Variants in QRFPR observed in about 807,000 individuals in gnomAD.
QRFPR encodes pyroglutamylated RF-amide peptide receptor.
In QRFPR, 37 loss-of-function variants were observed where a neutral mutation model predicts 31.3. That is an observed-to-expected ratio of 1.18 (90% confidence interval 0.91 to 1.56). QRFPR has a LOEUF of 1.56. Ranked by LOEUF, QRFPR falls within the 40% of genes most tolerant of loss-of-function variation. The probability of loss-of-function intolerance (pLI) is 0.00; values close to 1 mark genes in which losing one functional copy is unlikely to be tolerated. For missense variants in QRFPR, 542 were observed against 532.5 expected (o/e 1.02, Z -0.18); for synonymous variants, 197 against 192.0 (o/e 1.03, Z -0.22).
At chr4:121,363,790 T>C (rs568278611) in intron 1 of QRFPR, among the ~76,000 whole-genome samples, 1 of 150,280 alleles carries the variant, frequency 6.7e-6, no homozygotes, top group Admixed American at 6.6e-5. Flanking sequence ...ACTCTTTCAC[T>C]AAGAGAAAGC....
chr4:121,356,098 C>A (rs1560740309), intron 1 of QRFPR, among the ~76,000 whole-genome samples: 1 of 152,160 alleles, frequency 6.6e-6, no homozygotes, highest in East Asian at 1.9e-4. Context: ...CAGACCAAGT[C>A]TGACATTTTT....
intron 1 of QRFPR, among the ~76,000 whole-genome samples, chr4:121,363,946 A>AAG (rs5861518): frequency 0.96 from 142,952 of 149,412 alleles, 69,058 homozygotes; most frequent in East Asian, 1. Context: ...AGAAGGGAAA[A>AAG]AGAAAAGCCT....
intron 3 of QRFPR, among the ~76,000 whole-genome samples, chr4:121,333,687 G>A (rs535339713): frequency 6.6e-6 from 1 of 152,130 alleles, no homozygotes; most frequent in Admixed American, 6.6e-5. Context: ...TACTATTTCT[G>A]GTAGACTCAT....
chr4:121,342,077 G>C (rs981967418), intron 1 of QRFPR, among the ~76,000 whole-genome samples: 60 of 152,228 alleles, frequency 3.9e-4, no homozygotes, highest in African/African-American at 1.2e-3. Flanking sequence ...GAAGACAGGA[G>C]AAGATCCTTC....
intron 3 of QRFPR, among the ~76,000 whole-genome samples, chr4:121,334,250 G>A (rs530982316): frequency 1.3e-5 from 2 of 152,290 alleles, no homozygotes; most frequent in African/African-American, 4.8e-5. Flanking sequence ...AGTCCTGACT[G>A]TGGACTTCAG....
Position 121,330,476 on chromosome 4 carries a change from A to G in QRFPR, c.845T>C (p.Phe282Ser). Residue 282 changes from phenylalanine (F) to serine (S), a missense_variant, in exon 5 of 6, where the codon TTT (phenylalanine) becomes TCT (serine). Coordinates refer to ENST00000394427, the MANE Select transcript of QRFPR (RefSeq NM_198179.3). ...ATGGAATGGTGCCCAGCACACAGCA[A>G]AGAGAGCCACCACTGTCACCATCAT... Reference protein sequence around the residue: ...VIMMVTVVALFAVCWAPFHVV... With the variant: ...VIMMVTVVALSAVCWAPFHVV... The G allele has an allele frequency of 6.2e-7, 1 of 1,614,038 alleles. No individual in the cohort carries two copies. The highest frequency in any genetic ancestry group is 8.5e-7 in the Non-Finnish European group (1 of 1,179,908).
chr4:121,380,194 A>AGAGAGAGG, intron 1 of QRFPR, 114 bp downstream of exon 1: 2 of 199,286 alleles, frequency 1.0e-5, no homozygotes, highest in Non-Finnish European at 1.7e-5. Context: ...GAGGAGAGAG[A>AGAGAGAGG]GAGAGAGAGA....
At chr4:121,350,413 T>C (rs989275165) in intron 1 of QRFPR, among the ~76,000 whole-genome samples, 1 of 152,220 alleles carries the variant, frequency 6.6e-6, no homozygotes, top group Non-Finnish European at 1.5e-5. Context: ...TATGATCAAC[T>C]ATTTCAGATT....
At chr4:121,352,309 T>G (rs1446946525) in intron 1 of QRFPR, among the ~76,000 whole-genome samples, 1 of 152,134 alleles carries the variant, frequency 6.6e-6, no homozygotes, top group Admixed American at 6.6e-5. Flanking sequence ...TTCTTTCCAC[T>G]GGATTTCTTT....
intron 1 of QRFPR, among the ~76,000 whole-genome samples, chr4:121,343,880 A>G (rs1725594806): frequency 1.3e-5 from 2 of 152,284 alleles, no homozygotes; most frequent in Middle Eastern, 3.4e-3. Flanking sequence ...GGTATCTGTC[A>G]ATTGATTCAT....
At chr4:121,371,004 C>T (rs1363532894) in intron 1 of QRFPR, among the ~76,000 whole-genome samples, 3 of 152,148 alleles carry the variant, frequency 2.0e-5, no homozygotes, top group South Asian at 2.1e-4. Flanking sequence ...GGCCATGTAA[C>T]TTATAATCTA....
chr4:121,331,653 A>G (rs867238639), intron 4 of QRFPR, among the ~76,000 whole-genome samples: 10 of 108,826 alleles, frequency 9.2e-5, no homozygotes, highest in South Asian at 3.5e-4. Flanking sequence ...TATTATTATT[A>G]TTATTGTTAT....
intron 3 of QRFPR, among the ~76,000 whole-genome samples, chr4:121,335,578 T>TGGGGGGGGGG (rs773427893): frequency 2.4e-4 from 1 of 4,246 alleles, no homozygotes; most frequent in Non-Finnish European, 7.8e-4. Context: ...GTATGGGGGG[T>TGGGGGGGGGG]GGGGGGTGGG....
chr4:121,342,669 C>T (rs970530207), intron 1 of QRFPR, among the ~76,000 whole-genome samples: 1 of 151,634 alleles, frequency 6.6e-6, no homozygotes, highest in Non-Finnish European at 1.5e-5. Flanking sequence ...TTTATTTACC[C>T]CTACTAAAAT....
intron 1 of QRFPR, among the ~76,000 whole-genome samples, chr4:121,349,399 T>C (rs999095969): frequency 6.6e-6 from 1 of 152,216 alleles, no homozygotes. Flanking sequence ...CAGATATAGA[T>C]ATAGATACAG....
intron 1 of QRFPR, among the ~76,000 whole-genome samples, chr4:121,355,774 T>C (rs904698374): frequency 1.3e-5 from 2 of 151,992 alleles, no homozygotes; most frequent in African/African-American, 2.4e-5. Context: ...TTTTATTTGT[T>C]TTAAGAAATT....
chr4:121,379,908 A>C (rs538251100), intron 1 of QRFPR, among the ~76,000 whole-genome samples: 112 of 152,236 alleles, frequency 7.4e-4, no homozygotes, highest in African/African-American at 2.5e-3. Flanking sequence ...TTAGTAAGAA[A>C]ACTAGGGGAG....
rs747943209 is a variant in QRFPR, at chr4:121,332,963, G to A, written c.655C>T (p.Leu219Phe). 5 of 1,614,014 alleles carry A rather than the reference G, an allele frequency of 3.1e-6. No homozygotes were observed. The South Asian group carries it at 4.4e-5, about 14-fold the overall frequency. Residue 219 changes from leucine (L) to phenylalanine (F), a missense_variant, in exon 4 of 6, where the codon CTT (leucine) becomes TTT (phenylalanine). By Grantham distance (22) the Leu-to-Phe change is conservative (BLOSUM62 0). Transcript: ENST00000394427. The stretch of plus-strand genomic sequence containing the variant: ...AGAGGCAGGAGGAAGAGGATGACAA[G>A]GATGAAGGTGGTGTAGATCTTCTGG... ...VHQKIYTTFI[L>F]VILFLLPLMV...
chr4:121,335,418 C>T (rs1725412729), intron 3 of QRFPR, among the ~76,000 whole-genome samples: 1 of 151,958 alleles, frequency 6.6e-6, no homozygotes, highest in Non-Finnish European at 1.5e-5. Context: ...CGCTGGAGGT[C>T]TCAGTGCTGT....
Sources: gnomAD v4.1 joint callset for allele counts (sites outside exome capture counted in the v4.1 genomes callset) on GRCh38, gnomAD v4.1.1 for gene constraint, MANE v1.5 for transcripts, NCBI Gene and HGNC (gene_info 2026-07-23, HGNC 2026-07-21) for gene names.